Variants in ABCA10 observed in about 807,000 individuals in gnomAD.
The protein encoded by ABCA10 is ATP binding cassette subfamily A member 10.
In ABCA10, 169 loss-of-function variants were observed where a neutral mutation model predicts 187.5. The ratio of observed to expected loss-of-function variants is 0.90; its 90% CI spans 0.80 to 1.02. The LOEUF (loss-of-function observed/expected upper bound fraction) is 1.02, where lower values mean the gene tolerates loss of function less well. Ranked by LOEUF, ABCA10 falls within the 50% of genes least tolerant of loss-of-function variation. The pLI is 0.00. For missense variants in ABCA10, 1,727 were observed against 1,812.4 expected, an observed-to-expected ratio of 0.95 and a Z score of 0.86; for synonymous variants, 574 against 601.8, an observed-to-expected ratio of 0.95 and a Z score of 0.68.
rs138150328 is a variant in ABCA10 at position 69,215,862 on chromosome 17, C to T, written c.811G>A (p.Val271Ile). The T allele has an allele frequency of 2.2e-5, 36 of 1,613,120 alleles. No individual in the cohort carries two copies. The South Asian group carries it at 3.7e-4, about 17-fold the overall frequency. The change falls in exon 8 of 39, where the codon GTA becomes ATA. Residue 271 changes from valine to isoleucine, a missense_variant. Val to Ile is a conservative substitution (Grantham distance 29). Coordinates refer to ENST00000690296, the MANE Select transcript of ABCA10 (RefSeq NM_001377321.1). Reference protein sequence around the residue: ...YRQLPLSLGWVLSLLSPFAFT... With the variant: ...YRQLPLSLGWILSLLSPFAFT... ...GCAAAAGGGCTAAGAAGACTTAATACCCATCCCAAAGATAAAGGAAGTTGT... is the reference window on the plus strand; with the variant it reads ...GCAAAAGGGCTAAGAAGACTTAATATCCATCCCAAAGATAAAGGAAGTTGT...
intron 18 of ABCA10, among the ~76,000 whole-genome samples, chr17:69,188,880 T>G (rs566233119): frequency 2.6e-5 from 4 of 152,218 alleles, no homozygotes; most frequent in African/African-American, 9.6e-5. Context: ...TTCTTTATGG[T>G]TGCGTGGTAT....
intron 1 of ABCA10, among the ~76,000 whole-genome samples, chr17:69,237,240 T>G (rs1598134147): frequency 1.3e-5 from 2 of 152,350 alleles, no homozygotes; most frequent in East Asian, 3.9e-4. Flanking sequence ...AAACGTAGCC[T>G]TAGGGCAGAG....
At chr17:69,207,606 A>G (rs1387782900) in intron 9 of ABCA10, among the ~76,000 whole-genome samples, 12 of 152,104 alleles carry the variant, frequency 7.9e-5, no homozygotes, top group African/African-American at 2.9e-4. Context: ...ATTTGTGACA[A>G]CATGCATGAA....
At chr17:69,153,278 C>T in intron 34 of ABCA10, 27 bp downstream of exon 34, 1 of 1,580,420 alleles carries the variant, frequency 6.3e-7, no homozygotes, top group Non-Finnish European at 8.6e-7. Flanking sequence ...TCTCTTGACT[C>T]TGACACTTAA....
intron 3 of ABCA10, among the ~76,000 whole-genome samples, chr17:69,224,242 G>A (rs930232182): frequency 4.6e-5 from 7 of 152,024 alleles, no homozygotes; most frequent in African/African-American, 1.7e-4. Context: ...CCCTTGGCAT[G>A]GCAATCCAGA....
At chr17:69,150,603 C>G (rs1489005565) in intron 36 of ABCA10, among the ~76,000 whole-genome samples, 1 of 152,176 alleles carries the variant, frequency 6.6e-6, no homozygotes, top group Non-Finnish European at 1.5e-5. Flanking sequence ...TTAAAACAAA[C>G]ATACTCTTTC....
At position 69,192,549 on chromosome 17, in the gene ABCA10, C is replaced by T. The variant is rs374236523; in HGVS notation, c.1871+14G>A. ...ATATGCTCATTTAAAAATAACTACA[C>T]CTAGAATACATACCTTAAATGATAT... On this transcript the variant is annotated intron_variant, in intron 16 of 38. Coordinates refer to ENST00000690296, the MANE Select transcript of ABCA10 (RefSeq NM_001377321.1). The T allele has an allele frequency of 1.9e-6, 3 of 1,592,706 alleles. No individual in the cohort carries two copies. In the African/African-American group the frequency reaches 4.0e-5, roughly 21 times the overall value.
chr17:69,201,847 C>G (rs544525719), intron 9 of ABCA10, among the ~76,000 whole-genome samples, 179 bp from the exon 10 acceptor site: 1 of 152,178 alleles, frequency 6.6e-6, no homozygotes, highest in African/African-American at 2.4e-5. Context: ...TGCAATGGCA[C>G]GATCCTGGCT....
At chr17:69,206,249 A>G (rs2074590966) in intron 9 of ABCA10, among the ~76,000 whole-genome samples, 1 of 152,220 alleles carries the variant, frequency 6.6e-6, no homozygotes, top group Non-Finnish European at 1.5e-5. Context: ...TTTAAACAAT[A>G]TATTCTATGT....
chr17:69,233,230 C>A (rs1490116593), upstream of ABCA10: 1 of 152,130 alleles, frequency 6.6e-6, no homozygotes, highest in East Asian at 1.9e-4. Context: ...TCCATCAATT[C>A]CATAAGCCTT....
Position 69,219,562 on chromosome 17 carries a change from G to C in ABCA10, c.513C>G (p.Leu171=). The stretch of plus-strand genomic sequence containing the variant: ...TAACTTACCAGAATGCTGACTCTCG[G>C]AGACCCATCACTGTCATCAGTTTCT... ...KFKKLMTVMG[L]RESAFWLSWG... The change falls in exon 6 of 39, where the codon CTC becomes CTG. Residue 171 remains leucine (L), a synonymous_variant. Transcript: ENST00000690296. 1.3e-6 allele frequency: 2 copies of C among 1,593,504 alleles called. No individual in the cohort carries two copies. The highest frequency in any genetic ancestry group is 1.7e-6 in the Non-Finnish European group (2 of 1,170,210).
intron 9 of ABCA10, among the ~76,000 whole-genome samples, chr17:69,211,298 T>C (rs376008268): frequency 2.0e-5 from 1 of 49,386 alleles, no homozygotes; most frequent in Admixed American, 2.0e-4. Flanking sequence ...ATATCATATA[T>C]ATACATCATA....
intron 13 of ABCA10, 49 bp from the exon 14 acceptor site, chr17:69,193,661 G>T (rs771299468): frequency 6.4e-7 from 1 of 1,554,100 alleles, no homozygotes; most frequent in Admixed American, 2.0e-5. Context: ...TTACTTTAAG[G>T]AGTTTTTACT....
At position 69,186,251 on chromosome 17, in the gene ABCA10, T is replaced by TC. The variant is rs1465549916; in HGVS notation, c.2331-609dup. Among the ~76,000 whole-genome samples, 3 of 151,682 alleles carry TC rather than the reference T, an allele frequency of 2.0e-5. No homozygotes were observed. The East Asian group carries it at 5.8e-4, about 29-fold the overall frequency. On this transcript the variant is annotated intron_variant, in intron 19 of 38. Transcript: ENST00000690296. ...TTCCCATCAGACTTCATACTCTACC[T>TC]CCTTCTCCCTATCAGCCATATATTT...
chr17:69,229,207 T>C (rs2074814907), upstream of ABCA10, among the ~76,000 whole-genome samples: 1 of 152,024 alleles, frequency 6.6e-6, no homozygotes, highest in African/African-American at 2.4e-5. Context: ...ACCTACAAAG[T>C]TGGTACTCTA....
intron 19 of ABCA10, among the ~76,000 whole-genome samples, chr17:69,185,848 G>A (rs1242229667): frequency 6.6e-6 from 1 of 152,114 alleles, no homozygotes; most frequent in Non-Finnish European, 1.5e-5. Context: ...AGATATTCAA[G>A]GGTAACAGAG....
At chr17:69,185,402 T>C (rs1236366952) in intron 20 of ABCA10, 75 bp downstream of exon 20, 2 of 1,391,524 alleles carry the variant, frequency 1.4e-6, no homozygotes, top group Non-Finnish European at 1.9e-6. Context: ...TTGTTTTCAA[T>C]TGTCTCTCAG....
chr17:69,182,169 C>A lies in ABCA10; in HGVS notation c.2753G>T (p.Ser918Ile). The change falls in exon 22 of 39, where the codon AGC (serine) becomes ATC (isoleucine). Residue 918 changes from serine to isoleucine, a missense_variant. Transcript: ENST00000690296. ...FNFTELIQMESTSFSRDDIVL... is the reference protein window; with the variant it reads ...FNFTELIQMEITSFSRDDIVL... The stretch of plus-strand genomic sequence containing the variant: ...TCTACTTACACGAGAAAATGAAGTG[C>A]TCTCCATTTGAATAAGCTCCGTGAA... 6.3e-7 allele frequency: 1 copy of A among 1,580,804 alleles called. No individual in the cohort carries two copies. The highest frequency in any genetic ancestry group is 8.6e-7 in the Non-Finnish European group (1 of 1,163,868).
At chr17:69,229,387 G>A (rs2074816232), upstream of ABCA10, among the ~76,000 whole-genome samples, 1 of 151,980 alleles carries the variant, frequency 6.6e-6, no homozygotes, top group Non-Finnish European at 1.5e-5. Flanking sequence ...AATGATATCT[G>A]ATACCCATTT....
Sources: gnomAD v4.1 joint callset for allele counts (sites outside exome capture counted in the v4.1 genomes callset) on GRCh38, gnomAD v4.1.1 for gene constraint, MANE v1.5 for transcripts, NCBI Gene and HGNC (gene_info 2026-07-23, HGNC 2026-07-21) for gene names.